Variants in KCNK1 observed in about 807,000 individuals in gnomAD.
The protein encoded by KCNK1 is potassium two pore domain channel subfamily K member 1.
In KCNK1, 10 loss-of-function variants were observed where a neutral mutation model predicts 22.2. That is an observed-to-expected ratio of 0.45 (90% CI 0.28 to 0.76). The LOEUF (loss-of-function observed/expected upper bound fraction) is 0.76, where lower values mean the gene tolerates loss of function less well. Among genes scored for constraint, KCNK1 ranks in the 30% least tolerant of loss-of-function variants. The pLI is 0.14. For missense variants in KCNK1, 378 were observed against 421.0 expected (o/e 0.90, Z 0.89); for synonymous variants, 200 against 186.4 (o/e 1.07, Z -0.60).
At chr1:233,664,433 T>C (rs753737295) in intron 1 of KCNK1, among the ~76,000 whole-genome samples, 13 of 152,194 alleles carry the variant, frequency 8.5e-5, no homozygotes, top group Admixed American at 2.0e-4. Context: ...CCTCTTTCAA[T>C]ATGATGCCCA....
chr1:233,640,745 G>T (rs113870605), intron 1 of KCNK1, among the ~76,000 whole-genome samples: 1 of 151,678 alleles, frequency 6.6e-6, no homozygotes, highest in Admixed American at 6.6e-5. Flanking sequence ...TCGTTGTGTC[G>T]CCAGACTGGA....
At chr1:233,619,987 C>T (rs986007670) in intron 1 of KCNK1, among the ~76,000 whole-genome samples, 1 of 152,032 alleles carries the variant, frequency 6.6e-6, no homozygotes, top group African/African-American at 2.4e-5. Context: ...GGCCCCTGGA[C>T]CTAATCTAGC....
chr1:233,646,419 C>T (rs1029638805), intron 1 of KCNK1, among the ~76,000 whole-genome samples: 3 of 152,082 alleles, frequency 2.0e-5, no homozygotes, highest in Admixed American at 1.3e-4. Context: ...TGGATCTAGA[C>T]GGAATCACGC....
chr1:233,653,130 G>C (rs1332790955), intron 1 of KCNK1, among the ~76,000 whole-genome samples: 2 of 152,164 alleles, frequency 1.3e-5, no homozygotes, highest in African/African-American at 2.4e-5. Context: ...ATATTCCAAA[G>C]CTTGCTGAAA....
intron 1 of KCNK1, among the ~76,000 whole-genome samples, chr1:233,652,730 C>T (rs1381623739): frequency 6.6e-6 from 1 of 152,152 alleles, no homozygotes; most frequent in Non-Finnish European, 1.5e-5. Context: ...AGCACGTCTC[C>T]CCTGTAACTA....
chr1:233,645,705 C>T (rs543186358), intron 1 of KCNK1, among the ~76,000 whole-genome samples: 21 of 152,184 alleles, frequency 1.4e-4, no homozygotes, highest in East Asian at 1.4e-3. Context: ...CCACAGGAAA[C>T]GAATACCAGT....
At chr1:233,636,687 T>A (rs1407939845) in intron 1 of KCNK1, 1 of 152,568 alleles carries the variant, frequency 6.6e-6, no homozygotes, top group Non-Finnish European at 1.5e-5. Flanking sequence ...ACATTAGATA[T>A]CTGAACAGGG....
chr1:233,649,967 G>T (rs1178840703), intron 1 of KCNK1: 1 of 533,376 alleles, frequency 1.9e-6, no homozygotes, highest in Admixed American at 1.9e-5. Flanking sequence ...CTCCTGATTT[G>T]GTTAGAAGAT....
At chr1:233,642,341 T>A (rs2102895932) in intron 1 of KCNK1, among the ~76,000 whole-genome samples, 1 of 152,302 alleles carries the variant, frequency 6.6e-6, no homozygotes, top group South Asian at 2.1e-4. Context: ...TGTCATGTGG[T>A]CACTGCAACC....
At chr1:233,653,820 T>A (rs1418005830) in intron 1 of KCNK1, among the ~76,000 whole-genome samples, 2 of 152,112 alleles carry the variant, frequency 1.3e-5, no homozygotes, top group African/African-American at 2.4e-5. Flanking sequence ...AATCTCTTCT[T>A]ATATATCTAT....
chr1:233,651,053 T>G (rs953420515), intron 1 of KCNK1, among the ~76,000 whole-genome samples: 6 of 152,150 alleles, frequency 3.9e-5, no homozygotes, highest in African/African-American at 1.4e-4. Context: ...CAGTTAAGCT[T>G]TGGGACCAAG....
At chr1:233,652,311 C>T (rs1658214172) in intron 1 of KCNK1, among the ~76,000 whole-genome samples, 1 of 152,102 alleles carries the variant, frequency 6.6e-6, no homozygotes, top group Non-Finnish European at 1.5e-5. Context: ...CTACATTGGC[C>T]ATCACCCCTC....
rs191123442 is a variant in KCNK1 at position 233,665,140 on chromosome 1, A to G, written c.356-1455A>G. On this transcript the variant is annotated intron_variant, in intron 1 of 2. Coordinates refer to ENST00000366621, the MANE Select transcript of KCNK1 (RefSeq NM_002245.4). ...CACTGGTCCTAATGTAATTTTTTCAATGTTTGTGGAATTTATGACATCTTT... is the reference window on the plus strand; with the variant it reads ...CACTGGTCCTAATGTAATTTTTTCAGTGTTTGTGGAATTTATGACATCTTT... 1.2e-3 allele frequency among the ~76,000 whole-genome samples: 188 copies of G among 152,146 alleles called. 1 individual carries two copies. The highest frequency in any genetic ancestry group is 6.8e-3 in the Middle Eastern group (2 of 294).
At chr1:233,670,441 C>A (rs138465349) in intron 2 of KCNK1, among the ~76,000 whole-genome samples, 16 of 152,116 alleles carry the variant, frequency 1.1e-4, no homozygotes, top group African/African-American at 3.6e-4. Context: ...TAAAGACATA[C>A]CCGAGACTGG....
chr1:233,658,024 T>C (rs1658329713), intron 1 of KCNK1, among the ~76,000 whole-genome samples: 3 of 152,212 alleles, frequency 2.0e-5, no homozygotes, highest in African/African-American at 4.8e-5. Context: ...TCTTCATTTG[T>C]GAGAGTATGC....
Position 233,623,841 on chromosome 1 carries a change from G to A in KCNK1, c.355+9315G>A, listed in dbSNP as rs190113902. ...TCCTGGCCTCAGGTGATCCACCTCA[G>A]CCTCCCAAAGTGCTGGGATTACAGG... On this transcript the variant is annotated intron_variant, in intron 1 of 2. Transcript: ENST00000366621. 3.3e-5 allele frequency among the ~76,000 whole-genome samples: 5 copies of A among 152,232 alleles called. No homozygotes were observed. In the East Asian group the frequency reaches 9.7e-4, roughly 29 times the overall value.
intron 1 of KCNK1, among the ~76,000 whole-genome samples, chr1:233,632,753 G>A (rs1044876465): frequency 6.6e-6 from 1 of 152,082 alleles, no homozygotes; most frequent in Non-Finnish European, 1.5e-5. Context: ...GTGGGTTTGG[G>A]CCTCTTTTCA....
chr1:233,615,163 G>T (rs1657465295), intron 1 of KCNK1, among the ~76,000 whole-genome samples: 1 of 152,238 alleles, frequency 6.6e-6, no homozygotes, highest in Non-Finnish European at 1.5e-5. Flanking sequence ...CGGACAGGCC[G>T]ATCCGGTTTC....
intron 1 of KCNK1, among the ~76,000 whole-genome samples, chr1:233,650,352 T>C (rs1658179257): frequency 6.6e-6 from 1 of 152,214 alleles, no homozygotes; most frequent in Non-Finnish European, 1.5e-5. Flanking sequence ...CTTTAATTAC[T>C]GTCAGGGACC....
Sources: allele counts gnomAD v4.1 joint callset (sites outside exome capture counted in the v4.1 genomes callset), GRCh38; gene constraint gnomAD v4.1.1; transcripts MANE v1.5; gene names NCBI Gene and HGNC (gene_info 2026-07-23, HGNC 2026-07-21).